The following NVL variants were observed in gnomAD, a reference collection of about 807,000 sequenced individuals.
NVL encodes nuclear VCP like.
In NVL, 84 loss-of-function variants were observed where a neutral mutation model predicts 110.2. That is an observed-to-expected ratio of 0.76 (90% CI 0.64 to 0.91). NVL has a LOEUF of 0.91. NVL is among the 40% of genes least tolerant of loss of function. The pLI, the probability that NVL is intolerant of heterozygous loss-of-function variation, is 0.00. For missense variants in NVL, 882 were observed against 1,035.9 expected (o/e 0.85, Z 2.04); for synonymous variants, 354 against 361.1 (o/e 0.98, Z 0.22).
At chr1:224,288,270 T>TATAGCAAATATAAGCAAATATAAGGTA in intron 13 of NVL, among the ~76,000 whole-genome samples, 1 of 152,334 alleles carries the variant, frequency 6.6e-6, no homozygotes, top group South Asian at 2.1e-4. Flanking sequence ...AATATAAGCG[T>TATAGCAAATATAAGCAAATATAAGGTA]TGGCAAATAT....
At position 224,296,622 on chromosome 1, in the gene NVL, G is replaced by A. The variant is rs770922992; in HGVS notation, c.1063-4C>T. On this transcript the variant is annotated splice_polypyrimidine_tract_variant and splice_region_variant and intron_variant, in intron 10 of 22. Coordinates refer to ENST00000281701, the MANE Select transcript of NVL (RefSeq NM_002533.4). ...AAATGATACATGGTGCATTTGACTA[G>A]AAATAAAAATATCACAAAAAGACAA... 1.3e-6 allele frequency: 2 copies of A among 1,537,264 alleles called. No individual in the cohort carries two copies. The highest frequency in any genetic ancestry group is 1.2e-5 in the South Asian group (1 of 84,728).
intron 15 of NVL, among the ~76,000 whole-genome samples, chr1:224,283,484 C>CA (rs1666575873): frequency 6.6e-6 from 1 of 150,734 alleles, no homozygotes. Flanking sequence ...GACTCCATCT[C>CA]AAAAAAAGAA....
At chr1:224,253,557 AC>A (rs1417133413) in intron 18 of NVL, among the ~76,000 whole-genome samples, 1 of 148,092 alleles carries the variant, frequency 6.8e-6, no homozygotes, top group Non-Finnish European at 1.5e-5. Context: ...ACATGGTGAA[AC>A]CCCGTCTCTA....
At chr1:224,317,016 G>A (rs548267915) in intron 4 of NVL, among the ~76,000 whole-genome samples, 16 of 151,908 alleles carry the variant, frequency 1.1e-4, no homozygotes, top group Non-Finnish European at 1.6e-4. Context: ...GCACATGACT[G>A]TAATCCCAGC....
chr1:224,274,035 A>ACACACACAC (rs144089723), intron 17 of NVL, among the ~76,000 whole-genome samples: 1 of 145,540 alleles, frequency 6.9e-6, no homozygotes, highest in Non-Finnish European at 1.5e-5. Flanking sequence ...ATGACCTAAC[A>ACACACACAC]ACACACACAC....
chr1:224,231,136 A>C, intron 22 of NVL, 90 bp downstream of exon 22: 1 of 890,556 alleles, frequency 1.1e-6, no homozygotes, highest in Non-Finnish European at 1.8e-6. Flanking sequence ...CCGTCTCAAA[A>C]AAAAAAAAAA....
chr1:224,292,647 C>T (rs755296019), intron 12 of NVL, among the ~76,000 whole-genome samples: 2 of 152,126 alleles, frequency 1.3e-5, no homozygotes, highest in East Asian at 1.9e-4. Context: ...ATCTCACATG[C>T]GGCACTCTGC....
intron 12 of NVL, among the ~76,000 whole-genome samples, chr1:224,291,558 A>C (rs1043941843): frequency 2.6e-5 from 4 of 152,216 alleles, no homozygotes; most frequent in African/African-American, 9.7e-5. Context: ...CAAATTTTTT[A>C]AAATTTCACT....
In NVL at chr1:224,281,138, G is replaced by A. The variant is rs1388232074; in HGVS notation, c.1947C>T (p.Pro649=). The A allele has an allele frequency of 5.0e-6, 8 of 1,613,370 alleles. No individual in the cohort carries two copies. The highest frequency in any genetic ancestry group is 2.7e-5 in the African/African-American group (2 of 74,780). The change falls in exon 16 of 23, where the codon CCC becomes CCT. Residue 649 remains proline, a synonymous_variant. Transcript: ENST00000281701. ...SGLNFISVKG[P]ELLNMYVGES... ...AATAACTTACCATGTTTAGTAATTC[G>A]GGGCCCTTGACAGATATAAAATTTA... is the stretch of plus-strand genomic sequence containing the variant.
chr1:224,255,280 C>T (rs1042174191), intron 18 of NVL, among the ~76,000 whole-genome samples: 1 of 145,854 alleles, frequency 6.9e-6, no homozygotes, highest in African/African-American at 2.5e-5. Flanking sequence ...AGCTCCACCT[C>T]CCTGGTTCTC....
In NVL at chr1:224,236,529, A is replaced by C. The variant is rs772761680; in HGVS notation, c.2343T>G (p.Gly781=). The change falls in exon 20 of 23, where the codon GGT becomes GGG. Residue 781 remains glycine, a synonymous_variant. Transcript: ENST00000281701. ...DADVNLEAIA[G]DLRCDCYTGA... ...ACGTATAGCAATCACAGCGAAGGTC[A>C]CCAGCAATTGCTTCCAAATTTACAT... 6.2e-7 allele frequency: 1 copy of C among 1,613,894 alleles called. No homozygotes were observed. Among genetic ancestry groups the C allele is most frequent in the South Asian group, 1.1e-5 (1 of 91,082 alleles).
chr1:224,279,983 C>A (rs760669945), intron 16 of NVL, among the ~76,000 whole-genome samples: 2 of 151,796 alleles, frequency 1.3e-5, no homozygotes, highest in African/African-American at 2.4e-5. Context: ...CTGTGCCTGG[C>A]CTTATACTTC....
intron 19 of NVL, among the ~76,000 whole-genome samples, chr1:224,244,949 G>A (rs983327002): frequency 2.0e-5 from 3 of 152,206 alleles, no homozygotes; most frequent in African/African-American, 7.2e-5. Flanking sequence ...GCCTCCCAAA[G>A]TGCTGGGATT....
intron 4 of NVL, 60 bp from the exon 5 acceptor site, chr1:224,311,917 A>T: frequency 7.9e-7 from 1 of 1,262,330 alleles, no homozygotes; most frequent in African/African-American, 1.5e-5. Context: ...TAAAAAAATG[A>T]CTACCCAAAA....
chr1:224,297,020 T>C (rs1017263181), intron 10 of NVL, among the ~76,000 whole-genome samples: 17 of 152,206 alleles, frequency 1.1e-4, no homozygotes, highest in Admixed American at 1.0e-3. Context: ...CCAAGCTCAC[T>C]AGAAACGTTA....
chr1:224,282,720 G>A (rs754448401), intron 15 of NVL, among the ~76,000 whole-genome samples: 13 of 152,106 alleles, frequency 8.5e-5, no homozygotes, highest in Non-Finnish European at 1.6e-4. Context: ...GATTGCACAA[G>A]CATTTCAAAT....
At chr1:224,328,509 G>T (rs1428321589) in intron 1 of NVL, among the ~76,000 whole-genome samples, 2 of 152,106 alleles carry the variant, frequency 1.3e-5, no homozygotes, top group Non-Finnish European at 2.9e-5. Context: ...CTGCTCTGTG[G>T]GGAATAGGCT....
chr1:224,273,104 A>G (rs530784996), intron 17 of NVL, among the ~76,000 whole-genome samples: 1 of 151,648 alleles, frequency 6.6e-6, no homozygotes, highest in African/African-American at 2.4e-5. Context: ...AACCATATAT[A>G]TCAGAGTATA....
Position 224,250,060 on chromosome 1 carries a change from G to A in NVL, c.2289+152C>T, listed in dbSNP as rs1662287271. The A allele has an allele frequency of 3.0e-6, 2 of 660,666 alleles. 1 individual carries two copies. Among genetic ancestry groups the A allele is most frequent in the East Asian group, 6.5e-5 (2 of 30,678 alleles). 40.9% of individuals were successfully genotyped at this position (660,666 alleles called of 1,614,324 possible). On this transcript the variant is annotated intron_variant, in intron 19 of 22. Coordinates refer to ENST00000281701, the MANE Select transcript of NVL (RefSeq NM_002533.4). ...AAATTATTTTAAAGTAATAATCGAA[G>A]ATCAGTTCACCTTCCCTTTGGGAGA... is the stretch of plus-strand genomic sequence containing the variant.
Sources: gnomAD v4.1 joint callset for allele counts (sites outside exome capture counted in the v4.1 genomes callset) on GRCh38, gnomAD v4.1.1 for gene constraint, MANE v1.5 for transcripts, NCBI Gene and HGNC (gene_info 2026-07-23, HGNC 2026-07-21) for gene names.